The following KDM1B variants were observed in gnomAD, a reference collection of about 807,000 sequenced individuals.
KDM1B encodes the protein lysine-specific histone demethylase 2.
KDM1B carries 63 observed loss-of-function variants against 107.4 expected under a neutral mutation model. That is an observed-to-expected ratio of 0.59 (90% CI 0.48 to 0.72). The LOEUF (loss-of-function observed/expected upper bound fraction) is 0.72. Among genes scored for constraint, KDM1B ranks in the 30% least tolerant of loss-of-function variants. The pLI is 0.00. For missense variants in KDM1B, 749 were observed against 1,020.8 expected, an observed-to-expected ratio of 0.73 and a Z score of 3.63; for synonymous variants, 363 against 363.9, an observed-to-expected ratio of 1.00 and a Z score of 0.03.
At chr6:18,195,411 G>A (rs565375659) in intron 10 of KDM1B, among the ~76,000 whole-genome samples, 92 of 152,176 alleles carry the variant, frequency 6.0e-4, no homozygotes, top group Middle Eastern at 3.4e-3. Context: ...TTTATTTATC[G>A]TGTACAATCT....
intron 14 of KDM1B, among the ~76,000 whole-genome samples, chr6:18,202,149 C>T (rs1418350858): frequency 1.3e-5 from 2 of 151,682 alleles, no homozygotes; most frequent in Admixed American, 6.6e-5. Flanking sequence ...ACCTGTAATC[C>T]GAACATTTGG....
intron 6 of KDM1B, among the ~76,000 whole-genome samples, chr6:18,169,167 C>T (rs1401441076): frequency 6.6e-6 from 1 of 151,448 alleles, no homozygotes; most frequent in Non-Finnish European, 1.5e-5. Context: ...CCACCTCGCC[C>T]AGTCTTCCTT....
At chr6:18,198,577 G>A (rs1348189063) in intron 12 of KDM1B, among the ~76,000 whole-genome samples, 4 of 140,758 alleles carry the variant, frequency 2.8e-5, no homozygotes, top group Non-Finnish European at 4.5e-5. Context: ...TGCGGAGCTT[G>A]CAGTGAGCCA....
chr6:18,215,903 G>A (rs973338178), intron 20 of KDM1B, among the ~76,000 whole-genome samples: 1 of 151,776 alleles, frequency 6.6e-6, no homozygotes, highest in African/African-American at 2.4e-5. Flanking sequence ...TTTTCTCCAC[G>A]GAGCTCAGGA....
At chr6:18,157,775 T>C (rs1157014550) in intron 2 of KDM1B, among the ~76,000 whole-genome samples, 1 of 151,420 alleles carries the variant, frequency 6.6e-6, no homozygotes, top group Non-Finnish European at 1.5e-5. Context: ...CCAAAAAGCC[T>C]TCTTTGGGTA....
In KDM1B at chr6:18,214,954, T is replaced by C. The variant is rs1582215151; in HGVS notation, c.2110-53T>C. On this transcript the variant is annotated intron_variant, in intron 19 of 21. Coordinates refer to ENST00000650836, the MANE Select transcript of KDM1B (RefSeq NM_001364614.2). The surrounding 1 kb of genome is among the most constrained non-coding windows in gnomAD (Gnocchi z 4.4). The stretch of plus-strand genomic sequence containing the variant: ...AAAAAACAAAAAAAAGAGGCCCTTA[T>C]CTGTGGGAGCTGAGCACTCACAGAC... 3.8e-6 allele frequency: 6 copies of C among 1,576,096 alleles called. No homozygotes were observed. Among genetic ancestry groups the C allele is most frequent in the East Asian group, 4.5e-5 (2 of 44,370 alleles).
intron 7 of KDM1B, among the ~76,000 whole-genome samples, chr6:18,182,703 A>G (rs917600937): frequency 6.6e-6 from 1 of 151,468 alleles, no homozygotes; most frequent in Non-Finnish European, 1.5e-5. Flanking sequence ...ACTTTTTTTT[A>G]ATTTTTTTGT....
At chr6:18,182,923 T>C (rs1165494418) in intron 7 of KDM1B, among the ~76,000 whole-genome samples, 1 of 152,214 alleles carries the variant, frequency 6.6e-6, no homozygotes, top group Non-Finnish European at 1.5e-5. Context: ...TAGGTTACTT[T>C]TAAACATTTA....
At chr6:18,163,016 G>A in intron 5 of KDM1B, 92 bp downstream of exon 5, 3 of 770,620 alleles carry the variant, frequency 3.9e-6, no homozygotes, top group South Asian at 3.0e-5. Flanking sequence ...TAGTCTCGAG[G>A]CTTACTGAAT....
rs1789120974 is a variant in KDM1B, at chr6:18,215,080, A to G, written c.2183A>G (p.Gln728Arg). ...VASVRTLDDK[Q>R]VLQQCMATLR... ...TCCGTGAGGACCCTGGATGACAAAC[A>G]GGTGCTGCAGCAGTGCATGGCCACG... The change falls in exon 20 of 22, where the codon CAG (glutamine) becomes CGG (arginine). Residue 728 changes from glutamine (Q) to arginine (R), a missense_variant. Coordinates refer to ENST00000650836, the MANE Select transcript of KDM1B (RefSeq NM_001364614.2). 8 of 1,613,800 alleles carry G rather than the reference A, an allele frequency of 5.0e-6. No individual in the cohort carries two copies. In the South Asian group the frequency reaches 7.7e-5, roughly 16 times the overall value.
At chr6:18,219,990 A>T (rs191317065) in intron 21 of KDM1B, among the ~76,000 whole-genome samples, 1 of 152,310 alleles carries the variant, frequency 6.6e-6, no homozygotes, top group South Asian at 2.1e-4. Flanking sequence ...GGATGTATTA[A>T]TAATTGCTCT....
Position 18,185,992 on chromosome 6 carries a change from T to C in KDM1B, c.573+182T>C, listed in dbSNP as rs142826463. Among the ~76,000 whole-genome samples the C allele has an allele frequency of 5.6e-3, 855 of 152,350 alleles. 7 individuals are homozygous for C. The highest frequency in any genetic ancestry group is 0.02 in the African/African-American group (831 of 41,580). ...GCAATAGTGATATTATGGGTAGTCC[T>C]GTCCCCAACTTAAAAAATAAAAATA... On this transcript the variant is annotated intron_variant, in intron 8 of 21. Coordinates refer to ENST00000650836, the MANE Select transcript of KDM1B (RefSeq NM_001364614.2).
chr6:18,168,845 T>C (rs1485896139), intron 6 of KDM1B, among the ~76,000 whole-genome samples: 5 of 152,188 alleles, frequency 3.3e-5, no homozygotes, highest in East Asian at 3.8e-4. Context: ...TGGAGAAATA[T>C]CTGTTAACAT....
chr6:18,157,476 A>G (rs1459819921), intron 2 of KDM1B, among the ~76,000 whole-genome samples: 2 of 152,198 alleles, frequency 1.3e-5, no homozygotes, highest in African/African-American at 4.8e-5. Context: ...TCTTTTGAGA[A>G]TGCATACCTT....
intron 21 of KDM1B, among the ~76,000 whole-genome samples, chr6:18,218,820 C>G (rs1344743054): frequency 2.0e-5 from 3 of 152,162 alleles, no homozygotes; most frequent in African/African-American, 7.2e-5. Context: ...CTGGTCCACA[C>G]TGGTTGACCT....
In KDM1B at chr6:18,162,778, A is replaced by C; in HGVS notation, c.216-57A>C. 1 of 1,004,680 alleles carries C rather than the reference A, an allele frequency of 1.0e-6. No homozygotes were observed. Among genetic ancestry groups the C allele is most frequent in the African/African-American group, 1.6e-5 (1 of 62,912 alleles). The allele number at this position is 1,004,680 out of a possible 1,614,324, so 62.2% of individuals were successfully genotyped here. On this transcript the variant is annotated intron_variant, in intron 4 of 21. Coordinates refer to ENST00000650836, the MANE Select transcript of KDM1B (RefSeq NM_001364614.2). The surrounding 1 kb of genome is among the most constrained non-coding windows in gnomAD (Gnocchi z 4.1). ...GGTGCTTGCAAGATGTTTTTTAAAA[A>C]ATGGGAGGAGAAATGTTTATTCATT... is the stretch of plus-strand genomic sequence containing the variant.
At chr6:18,199,699 CT>C (rs10706835) in intron 12 of KDM1B, among the ~76,000 whole-genome samples, 26,311 of 139,148 alleles carry the variant, frequency 0.19, 3,623 homozygotes, top group African/African-American at 0.4. Context: ...GAGTGGCATA[CT>C]TTTTTTTTTT....
chr6:18,185,523 A>G (rs906235512), intron 7 of KDM1B, among the ~76,000 whole-genome samples: 1 of 151,784 alleles, frequency 6.6e-6, no homozygotes, highest in Non-Finnish European at 1.5e-5. Context: ...GCTGGTCTCA[A>G]ACTCCTGACC....
chr6:18,195,951 C>T (rs955473351), intron 10 of KDM1B, among the ~76,000 whole-genome samples: 3 of 152,030 alleles, frequency 2.0e-5, no homozygotes, highest in Admixed American at 6.6e-5. Flanking sequence ...CTTGTCTAAA[C>T]TGAAATTTTT....
Sources: allele counts gnomAD v4.1 joint callset (sites outside exome capture counted in the v4.1 genomes callset), GRCh38; gene constraint gnomAD v4.1.1; non-coding constraint Gnocchi (gnomAD v3.1); transcripts MANE v1.5; gene names NCBI Gene and HGNC (gene_info 2026-07-23, HGNC 2026-07-21).